Variants in LSR observed in about 807,000 individuals in gnomAD.
The protein encoded by LSR is lipolysis stimulated lipoprotein receptor, also known as lipolysis-stimulated lipoprotein receptor.
Under a neutral mutation model 61.8 loss-of-function variants are expected in LSR, and 44 were observed. The observed-to-expected ratio is 0.71, with a 90% CI of 0.56 to 0.91. LSR has a LOEUF of 0.91. Among genes scored for constraint, LSR ranks in the 40% least tolerant of loss-of-function variants. LSR has a pLI of 0.00. For missense variants in LSR, 911 were observed against 830.5 expected (o/e 1.10, Z -1.19); for synonymous variants, 397 against 350.6 (o/e 1.13, Z -1.48).
At chr19:35,261,154 G>T (rs1211975462) in intron 3 of LSR, among the ~76,000 whole-genome samples, 2 of 152,132 alleles carry the variant, frequency 1.3e-5, no homozygotes, top group Non-Finnish European at 2.9e-5. Context: ...AGCTCCAGGG[G>T]CACTCGAGGG....
intron 6 of LSR, 50 bp from the exon 7 acceptor site, chr19:35,266,629 G>A: frequency 6.3e-7 from 1 of 1,598,670 alleles, no homozygotes; most frequent in Non-Finnish European, 8.5e-7. Context: ...TGGGAGCCGA[G>A]GAGGGGCTCT....
intron 2 of LSR, chr19:35,253,490 T>C (rs1272034819): frequency 6.6e-6 from 1 of 152,440 alleles, no homozygotes; most frequent in Non-Finnish European, 1.5e-5. Context: ...CATGTCTTAG[T>C]GTGTGTTCAC....
chr19:35,251,903 C>T (rs917664637), intron 2 of LSR, among the ~76,000 whole-genome samples: 8 of 139,988 alleles, frequency 5.7e-5, no homozygotes, highest in African/African-American at 1.6e-4. Context: ...GGCGGGATCT[C>T]GGCTCACTGC....
chr19:35,250,272 C>T lies in LSR; in HGVS notation c.110-43C>T, dbSNP rs760057788. On this transcript the variant is annotated intron_variant, in intron 1 of 9. Coordinates refer to ENST00000605618, the MANE Select transcript of LSR (RefSeq NM_205834.4). The stretch of plus-strand genomic sequence containing the variant: ...GTGGCGTTCCTGTTGAAGCACCTCC[C>T]TGAGCTCACAGCAACCCTTGCTGTC... 10 of 1,394,214 alleles carry T rather than the reference C, an allele frequency of 7.2e-6. No homozygotes were observed. The South Asian group carries it at 1.4e-4, about 20-fold the overall frequency. The allele number at this position is 1,394,214 out of a possible 1,614,324, so 86.4% of individuals were successfully genotyped here.
At chr19:35,256,787 G>C (rs2065862645) in intron 2 of LSR, among the ~76,000 whole-genome samples, 1 of 152,162 alleles carries the variant, frequency 6.6e-6, no homozygotes, top group Non-Finnish European at 1.5e-5. Context: ...TGATGAGACA[G>C]ATGACAAAAG....
intron 1 of LSR, among the ~76,000 whole-genome samples, chr19:35,249,651 G>T (rs2065764994): frequency 6.6e-6 from 1 of 152,186 alleles, no homozygotes; most frequent in East Asian, 1.9e-4. Flanking sequence ...ACGTGCGTAA[G>T]AGTCTGGTGG....
intron 8 of LSR, 30 bp from the exon 9 acceptor site, chr19:35,267,079 A>G: frequency 6.5e-7 from 1 of 1,526,766 alleles, no homozygotes; most frequent in Non-Finnish European, 8.8e-7. Context: ...GGGCTCCTCC[A>G]GCAGTCAGTG....
chr19:35,256,400 T>A, intron 2 of LSR, among the ~76,000 whole-genome samples: 1 of 152,208 alleles, frequency 6.6e-6, no homozygotes, highest in Non-Finnish European at 1.5e-5. Context: ...CAAAACATTG[T>A]GAATGAGAAG....
chr19:35,267,818 T>C lies in LSR; in HGVS notation c.1771-6T>C. 7 of 1,613,810 alleles carry C rather than the reference T, an allele frequency of 4.3e-6. No individual in the cohort carries two copies. Among genetic ancestry groups the C allele is most frequent in the Non-Finnish European group, 5.9e-6 (7 of 1,179,926 alleles). On this transcript the variant is annotated splice_polypyrimidine_tract_variant and splice_region_variant and intron_variant, in intron 9 of 9. Coordinates refer to ENST00000605618, the MANE Select transcript of LSR (RefSeq NM_205834.4). The stretch of plus-strand genomic sequence containing the variant: ...GCTCATACCCTTCTTTCTTTCTCCC[T>C]TGCAGAACTTGGCCCTGAGTCGGGA...
intron 5 of LSR, chr19:35,264,864 C>T (rs1439715458): frequency 6.6e-6 from 1 of 152,164 alleles, no homozygotes; most frequent in East Asian, 1.9e-4. Context: ...CTACGTCTGT[C>T]AGCTGCTGGG....
At chr19:35,259,385 A>C in intron 3 of LSR, 1 of 209,842 alleles carries the variant, frequency 4.8e-6, no homozygotes, top group Non-Finnish European at 9.8e-6. Flanking sequence ...CATGCCTGTA[A>C]TCCCAGCACT....
chr19:35,261,731 G>A (rs923441674), intron 3 of LSR, among the ~76,000 whole-genome samples, 194 bp from the exon 4 acceptor site: 1 of 152,224 alleles, frequency 6.6e-6, no homozygotes, highest in African/African-American at 2.4e-5. Flanking sequence ...ATTATGCAAT[G>A]GGAGTTTCTT....
chr19:35,263,925 G>C (rs71352913), intron 5 of LSR: 1 of 151,688 alleles, frequency 6.6e-6, no homozygotes, highest in African/African-American at 2.4e-5. Flanking sequence ...TCCTGCCTCA[G>C]CCTCCCGAGT....
At chr19:35,256,669 AT>A (rs2065860197) in intron 2 of LSR, among the ~76,000 whole-genome samples, 1 of 152,060 alleles carries the variant, frequency 6.6e-6, no homozygotes, top group African/African-American at 2.4e-5. Flanking sequence ...TGCCTAGAAC[AT>A]AGGTGGTACT....
intron 3 of LSR, among the ~76,000 whole-genome samples, chr19:35,261,636 G>A (rs1488091764): frequency 2.6e-5 from 4 of 152,170 alleles, no homozygotes; most frequent in African/African-American, 9.7e-5. Flanking sequence ...TATGAATGAG[G>A]GAAACTTAGG....
Position 35,266,545 on chromosome 19 carries a change from G to T in LSR, c.952+13G>T. ...AGGAGTAGCTCAGGTGAGGCCGGGGGAAGCAGGAACAGCTGGTGGGAGTGT... is the reference window on the plus strand; with the variant it reads ...AGGAGTAGCTCAGGTGAGGCCGGGGTAAGCAGGAACAGCTGGTGGGAGTGT... On this transcript the variant is annotated intron_variant, in intron 6 of 9. Transcript: ENST00000605618. 6.3e-7 allele frequency: 1 copy of T among 1,598,316 alleles called. No individual in the cohort carries two copies. Among genetic ancestry groups the T allele is most frequent in the Admixed American group, 1.7e-5 (1 of 59,300 alleles).
chr19:35,250,793 TTC>T (rs1290416674), intron 2 of LSR, 134 bp downstream of exon 2: 16 of 586,498 alleles, frequency 2.7e-5, no homozygotes, highest in Non-Finnish European at 2.8e-5. Context: ...AAGGGAGCAA[TTC>T]TTTTTTTTTT....
At position 35,266,867 on chromosome 19, in the gene LSR, CCAG is replaced by C; in HGVS notation, c.1048_1050del (p.Gln350del). Reference sequence around the variant, plus strand: ...GCAGTGGCTACAGGATTCAGGCCAGCCAGCAGGACGACTCCATGCGGGTCCTGT... The same window carrying C: ...GCAGTGGCTACAGGATTCAGGCCAGCCAGGACGACTCCATGCGGGTCCTGT... On this transcript the variant is annotated inframe_deletion, in exon 8 of 10. Transcript: ENST00000605618. 6.2e-7 allele frequency: 1 copy of C among 1,611,336 alleles called. No homozygotes were observed.
chr19:35,266,433 CCCG>C lies in LSR; in HGVS notation c.856_858del (p.Ala286del). On this transcript the variant is annotated inframe_deletion, in exon 6 of 10. Transcript: ENST00000605618. ...CCCCAGCACCTATGCCCACCTGTCTCCCGCCAAGACCCCACCCCCACCAGCTAT... is the reference window on the plus strand; with the variant it reads ...CCCCAGCACCTATGCCCACCTGTCTCCCAAGACCCCACCCCCACCAGCTAT... The C allele has an allele frequency of 6.2e-7, 1 of 1,612,288 alleles. No individual in the cohort carries two copies. The highest frequency in any genetic ancestry group is 8.5e-7 in the Non-Finnish European group (1 of 1,178,972).
Sources: gnomAD v4.1 joint callset for allele counts (sites outside exome capture counted in the v4.1 genomes callset) on GRCh38, gnomAD v4.1.1 for gene constraint, MANE v1.5 for transcripts, NCBI Gene and HGNC (gene_info 2026-07-23, HGNC 2026-07-21) for gene names.